RUNX1: variants seen among roughly 807,000 people sequenced by gnomAD.
RUNX1 encodes the protein runt-related transcription factor 1.
A neutral mutation model predicts 42.8 loss-of-function variants in RUNX1; 19 were observed. That is an observed-to-expected ratio of 0.44 (90% CI 0.31 to 0.65). RUNX1 has a LOEUF of 0.65. Among genes scored for constraint, RUNX1 ranks in the 30% least tolerant of loss-of-function variants. RUNX1 has a pLI of 0.07. For synonymous variants in RUNX1, 271 were observed against 289.4 expected (o/e 0.94, Z 0.64); for missense variants, 528 against 672.0 (o/e 0.79, Z 2.37).
At chr21:34,862,952 C>A (rs986732472) in intron 5 of RUNX1, among the ~76,000 whole-genome samples, 4 of 152,168 alleles carry the variant, frequency 2.6e-5, no homozygotes, top group African/African-American at 7.2e-5. Flanking sequence ...TCCACGACTA[C>A]CCAAATGACA....
chr21:34,869,010 G>C (rs1450453361), intron 5 of RUNX1, among the ~76,000 whole-genome samples: 2 of 152,166 alleles, frequency 1.3e-5, no homozygotes, highest in African/African-American at 4.8e-5. Context: ...GCTTTTACTT[G>C]TGAATACTTA....
chr21:34,899,429 C>T (rs2146480206), intron 2 of RUNX1, among the ~76,000 whole-genome samples: 1 of 151,808 alleles, frequency 6.6e-6, no homozygotes, highest in South Asian at 2.1e-4. Flanking sequence ...TCTCTCTCTC[C>T]CTCCCTCCCT....
intron 2 of RUNX1, among the ~76,000 whole-genome samples, chr21:34,959,043 A>C (rs7281796): frequency 0.049 from 7,319 of 149,640 alleles, 553 homozygotes; most frequent in African/African-American, 0.17. Context: ...CACTCTGGGG[A>C]CTGTTGTGGG....
rs1382009620 is a variant in RUNX1 at position 34,886,236 on chromosome 21, G to A, written c.351+607C>T. On this transcript the variant is annotated intron_variant, in intron 4 of 8. Transcript: ENST00000675419. ...ACAGGATTCGATACTTGCGGCTTCT[G>A]GCAGGAGCAGGCTAAAAAGCTCAGA... Among the ~76,000 whole-genome samples, 8 of 152,186 alleles carry A rather than the reference G, an allele frequency of 5.3e-5. No homozygotes were observed. In the South Asian group the frequency reaches 1.2e-3, roughly 24 times the overall value.
At chr21:34,995,151 G>A (rs1334967328) in intron 2 of RUNX1, among the ~76,000 whole-genome samples, 1 of 152,208 alleles carries the variant, frequency 6.6e-6, no homozygotes. Flanking sequence ...TCCTGAGCAT[G>A]GCTGGTGGCC....
intron 2 of RUNX1, among the ~76,000 whole-genome samples, chr21:34,949,054 G>C (rs549924458): frequency 6.6e-6 from 1 of 152,112 alleles, no homozygotes; most frequent in Non-Finnish European, 1.5e-5. Flanking sequence ...GTGCCCGGCC[G>C]GGATGTGCAG....
chr21:34,846,411 G>A (rs2057317432), intron 6 of RUNX1, among the ~76,000 whole-genome samples: 1 of 151,462 alleles, frequency 6.6e-6, no homozygotes, highest in African/African-American at 2.4e-5. Flanking sequence ...GGACATCCCA[G>A]GGGCCCCTGG....
chr21:34,985,863 C>T (rs933554724), intron 2 of RUNX1, among the ~76,000 whole-genome samples: 1 of 141,018 alleles, frequency 7.1e-6, no homozygotes, highest in Admixed American at 7.6e-5. Flanking sequence ...CAACTCTGAC[C>T]AGACTTTTTT....
At chr21:34,956,384 A>G (rs2058643999) in intron 2 of RUNX1, among the ~76,000 whole-genome samples, 1 of 152,236 alleles carries the variant, frequency 6.6e-6, no homozygotes, top group African/African-American at 2.4e-5. Flanking sequence ...AATTGTGAAC[A>G]TACAGAACAA....
At position 34,792,788 on chromosome 21, in the gene RUNX1, A is replaced by G. The variant is rs2056467057; in HGVS notation, c.968-178T>C. 6.8e-6 allele frequency among the ~76,000 whole-genome samples: 1 copy of G among 146,360 alleles called. No homozygotes were observed. The highest frequency in any genetic ancestry group is 2.6e-5 in the African/African-American group (1 of 38,840). On this transcript the variant is annotated intron_variant, in intron 8 of 8. Coordinates refer to ENST00000675419, the MANE Select transcript of RUNX1 (RefSeq NM_001754.5). The surrounding 1 kb of genome is among the most constrained non-coding windows in gnomAD (Gnocchi z 6.9). ...CCGGGATGCTACTCCCAAGAGGACG[A>G]GGATTACCCAGGATGCTATACCCAG... is the stretch of plus-strand genomic sequence containing the variant.
At chr21:35,024,472 C>T (rs996094149) in intron 2 of RUNX1, among the ~76,000 whole-genome samples, 4 of 152,340 alleles carry the variant, frequency 2.6e-5, no homozygotes, top group African/African-American at 9.6e-5. Flanking sequence ...AACACAATGT[C>T]TTTATGTGTG....
chr21:34,890,621 C>T (rs908216365), intron 3 of RUNX1, among the ~76,000 whole-genome samples: 2 of 152,198 alleles, frequency 1.3e-5, no homozygotes, highest in African/African-American at 4.8e-5. Flanking sequence ...GCACTGCCAG[C>T]ACCCGAGTTC....
At chr21:34,882,847 T>C (rs1205122640) in intron 4 of RUNX1, among the ~76,000 whole-genome samples, 1 of 152,216 alleles carries the variant, frequency 6.6e-6, no homozygotes, top group African/African-American at 2.4e-5. Context: ...ATATTTTTAC[T>C]TCCTCATCCT....
intron 5 of RUNX1, among the ~76,000 whole-genome samples, chr21:34,878,360 A>AATATATAT (rs1555898234): frequency 7.5e-6 from 1 of 133,414 alleles, no homozygotes; most frequent in African/African-American, 2.9e-5. Context: ...AAAAAAAAAA[A>AATATATAT]ATATATATAT....
chr21:34,893,965 T>C (rs984673947), intron 2 of RUNX1, among the ~76,000 whole-genome samples: 1 of 152,014 alleles, frequency 6.6e-6, no homozygotes, highest in Non-Finnish European at 1.5e-5. Flanking sequence ...GAATTAAATA[T>C]GTATAGTCTC....
Position 35,049,253 on chromosome 21 carries a change from C to T in RUNX1, c.-145G>A. ...GCTGGGTTCAGACTTCTGACACTGC[C>T]AGGCTACCCAACTTGTGGTTCTGTG... On this transcript the variant is annotated 5_prime_UTR_variant, in exon 1 of 9. Transcript: ENST00000675419. The T allele has an allele frequency of 3.6e-6, 1 of 275,242 alleles. No homozygotes were observed. Among genetic ancestry groups the T allele is most frequent in the South Asian group, 4.6e-5 (1 of 21,940 alleles). 17.0% of individuals were successfully genotyped at this position (275,242 alleles called of 1,614,324 possible).
At chr21:34,987,448 TCCTGACATACTAATTTAGGAC>T (rs1161017505) in intron 2 of RUNX1, among the ~76,000 whole-genome samples, 2 of 152,160 alleles carry the variant, frequency 1.3e-5, no homozygotes, top group African/African-American at 4.8e-5. Flanking sequence ...AGCTGTTGAT[TCCTGACATACTAATTTAGGAC>T]CCGAAAGAGA....
At chr21:34,796,403 A>G (rs4507172) in intron 8 of RUNX1, among the ~76,000 whole-genome samples, 4,257 of 152,182 alleles carry the variant, frequency 0.028, 184 homozygotes, top group African/African-American at 0.098. Context: ...CCCTTATTCA[A>G]ACCCATCAGT....
At chr21:35,023,798 T>C (rs1226905045) in intron 2 of RUNX1, among the ~76,000 whole-genome samples, 1 of 152,096 alleles carries the variant, frequency 6.6e-6, no homozygotes, top group Non-Finnish European at 1.5e-5. Flanking sequence ...CAATTGAGGA[T>C]GGGTGGAAGT....
Sources: allele counts gnomAD v4.1 joint callset (sites outside exome capture counted in the v4.1 genomes callset), GRCh38; gene constraint gnomAD v4.1.1; non-coding constraint Gnocchi (gnomAD v3.1); transcripts MANE v1.5; gene names NCBI Gene and HGNC (gene_info 2026-07-23, HGNC 2026-07-21).